Variants in CLDN16 observed in about 807,000 individuals in gnomAD.
CLDN16 encodes claudin-16.
CLDN16 carries 13 observed loss-of-function variants against 24.6 expected under a neutral mutation model. The ratio of observed to expected loss-of-function variants is 0.53; its 90% CI spans 0.34 to 0.84. CLDN16 has a LOEUF of 0.84. CLDN16 is among the 40% of genes least tolerant of loss of function. The probability of loss-of-function intolerance (pLI) is 0.01; values close to 1 mark genes in which losing one functional copy is unlikely to be tolerated. For missense variants in CLDN16, 298 were observed against 292.7 expected (o/e 1.02, Z -0.13); for synonymous variants, 116 against 106.7 (o/e 1.09, Z -0.54).
At chr3:190,338,374 A>G (rs1205574232) in intron 1 of CLDN16, among the ~76,000 whole-genome samples, 1 of 152,218 alleles carries the variant, frequency 6.6e-6, no homozygotes, top group Non-Finnish European at 1.5e-5. Flanking sequence ...GTAGTGGCGT[A>G]TTTTAGCCTG....
At chr3:190,367,449 T>G (rs1188229781) in intron 1 of CLDN16, among the ~76,000 whole-genome samples, 3 of 151,920 alleles carry the variant, frequency 2.0e-5, no homozygotes, top group African/African-American at 7.2e-5. Context: ...TCAATACTAC[T>G]TCTCCAGGGT....
At chr3:190,331,415 G>C (rs769173959) in intron 1 of CLDN16, among the ~76,000 whole-genome samples, 11 of 152,118 alleles carry the variant, frequency 7.2e-5, no homozygotes, top group Non-Finnish European at 1.6e-4. Flanking sequence ...TGGAATCCTA[G>C]GCAGGATATA....
At chr3:190,395,864 ACTCT>A (rs906916049) in intron 1 of CLDN16, among the ~76,000 whole-genome samples, 8 of 150,030 alleles carry the variant, frequency 5.3e-5, no homozygotes, top group Non-Finnish European at 1.2e-4. Context: ...GTGTATATTT[ACTCT>A]CTCTCTCTCT....
intron 1 of CLDN16, among the ~76,000 whole-genome samples, chr3:190,400,389 C>T (rs1425808066): frequency 2.0e-5 from 3 of 151,968 alleles, no homozygotes; most frequent in African/African-American, 4.8e-5. Flanking sequence ...CGCACCACCA[C>T]GCCTAGCTAA....
chr3:190,321,890 T>A (rs2108616571), upstream of CLDN16: 1 of 913,270 alleles, frequency 1.1e-6, no homozygotes, highest in Non-Finnish European at 1.8e-6. Context: ...TGAAGACTGA[T>A]AACCATGGAA....
the CLDN16 span, chr3:190,310,222 A>G: frequency 6.2e-7 from 1 of 1,613,918 alleles, no homozygotes; most frequent in Non-Finnish European, 8.5e-7. Flanking sequence ...TTCTATTGCC[A>G]TACCATGCTG....
At chr3:190,298,567 T>C in the CLDN16 span, among the ~76,000 whole-genome samples, 16 of 151,174 alleles carry the variant, frequency 1.1e-4, no homozygotes, top group African/African-American at 3.6e-4. Context: ...GTGATTCTCA[T>C]TCCTCAGCCT....
At chr3:190,371,381 C>A (rs1337688618) in intron 2 of CLDN16, among the ~76,000 whole-genome samples, 1 of 151,820 alleles carries the variant, frequency 6.6e-6, no homozygotes, top group African/African-American at 2.4e-5. Context: ...GTTTCTCTGA[C>A]TTTCCTGCTG....
chr3:190,403,284 A>T (rs1158890420), intron 2 of CLDN16, among the ~76,000 whole-genome samples: 1 of 151,840 alleles, frequency 6.6e-6, no homozygotes, highest in Non-Finnish European at 1.5e-5. Flanking sequence ...GTGAGCCGAG[A>T]TCACACCACT....
At chr3:190,393,196 TACTC>T (rs1361578154) in intron 1 of CLDN16, among the ~76,000 whole-genome samples, 1 of 152,210 alleles carries the variant, frequency 6.6e-6, no homozygotes, top group African/African-American at 2.4e-5. Context: ...GTGGTGATGT[TACTC>T]ACCAAGAGTT....
intron 1 of CLDN16, among the ~76,000 whole-genome samples, chr3:190,353,100 C>T (rs772784784): frequency 6.6e-6 from 1 of 152,016 alleles, no homozygotes; most frequent in South Asian, 2.1e-4. Context: ...AAACATAGTA[C>T]CTACTCCAAA....
chr3:190,341,932 C>T (rs1026528188), intron 1 of CLDN16, among the ~76,000 whole-genome samples: 2 of 152,208 alleles, frequency 1.3e-5, no homozygotes, highest in Non-Finnish European at 2.9e-5. Flanking sequence ...TTTGCTAAAA[C>T]ATAACAAGAG....
the CLDN16 span, among the ~76,000 whole-genome samples, chr3:190,301,352 G>A: frequency 6.6e-5 from 10 of 152,116 alleles, 1 homozygote; most frequent in South Asian, 8.3e-4. Context: ...AAAATTAGCC[G>A]GGTGTGGTGG....
chr3:190,294,259 G>A, the CLDN16 span, among the ~76,000 whole-genome samples: 23 of 152,154 alleles, frequency 1.5e-4, no homozygotes, highest in Non-Finnish European at 2.8e-4. Context: ...CTTTATCAAA[G>A]TAGACACTTA....
chr3:190,349,886 A>T (rs1195977632), intron 1 of CLDN16, among the ~76,000 whole-genome samples: 3 of 152,226 alleles, frequency 2.0e-5, no homozygotes, highest in Non-Finnish European at 2.9e-5. Context: ...TATATAAGTG[A>T]GTTCAGACTG....
chr3:190,337,794 A>G (rs902814082), intron 1 of CLDN16, among the ~76,000 whole-genome samples: 1 of 152,172 alleles, frequency 6.6e-6, no homozygotes, highest in Non-Finnish European at 1.5e-5. Flanking sequence ...TCACAGAGAG[A>G]GATATTGGAT....
rs771613047 is a variant in CLDN16, at chr3:190,410,027, A to G, written c.699A>G (p.Thr233=). 1 of 1,614,096 alleles carries G rather than the reference A, an allele frequency of 6.2e-7. No homozygotes were observed. Among genetic ancestry groups the G allele is most frequent in the Non-Finnish European group, 8.5e-7 (1 of 1,179,996 alleles). ...CGGCCAAAATGTATGCTGTAGACAC[A>G]AGGGTGTAAAATGCACGTTTCAGGG... The part of the protein sequence containing the change: ...TETAKMYAVD[T]RV Residue 233 remains threonine (T), a synonymous_variant, in exon 5 of 5, where the codon ACA becomes ACG. Transcript: ENST00000264734.
chr3:190,407,250 T>G, intron 3 of CLDN16, among the ~76,000 whole-genome samples: 1 of 152,144 alleles, frequency 6.6e-6, no homozygotes, highest in African/African-American at 2.4e-5. Flanking sequence ...CTGAAGAGAT[T>G]GTTTGTGAAC....
intron 1 of CLDN16, among the ~76,000 whole-genome samples, chr3:190,393,488 T>C (rs972977167): frequency 4.6e-5 from 7 of 152,186 alleles, no homozygotes; most frequent in African/African-American, 1.7e-4. Flanking sequence ...ACACACATCA[T>C]AAGTTTCTTG....
Sources: gnomAD v4.1 joint callset for allele counts (sites outside exome capture counted in the v4.1 genomes callset) on GRCh38, gnomAD v4.1.1 for gene constraint, MANE v1.5 for transcripts, NCBI Gene and HGNC (gene_info 2026-07-23, HGNC 2026-07-21) for gene names.